The following CEP104 variants were observed in gnomAD, a reference collection of about 807,000 sequenced individuals.
CEP104 encodes centrosomal protein of 104 kDa.
Under a neutral mutation model 113.3 loss-of-function variants are expected in CEP104, and 84 were observed. The ratio of observed to expected loss-of-function variants is 0.74; its 90% CI spans 0.62 to 0.89. The LOEUF is 0.89. Among genes scored for constraint, CEP104 ranks in the 40% least tolerant of loss-of-function variants. The pLI is 0.00. For missense variants in CEP104, 1,053 were observed against 1,156.6 expected, an observed-to-expected ratio of 0.91 and a Z score of 1.30; for synonymous variants, 378 against 421.7, an observed-to-expected ratio of 0.90 and a Z score of 1.27.
At chr1:3,850,084 G>A (rs1351245289) in intron 2 of CEP104, among the ~76,000 whole-genome samples, 1 of 152,230 alleles carries the variant, frequency 6.6e-6, no homozygotes, top group Non-Finnish European at 1.5e-5. Context: ...GCCTAGGTGT[G>A]TAGCAGTAGG....
intron 15 of CEP104, among the ~76,000 whole-genome samples, chr1:3,827,094 G>A (rs1644106777): frequency 6.6e-6 from 1 of 152,224 alleles, no homozygotes; most frequent in East Asian, 1.9e-4. Flanking sequence ...GGAGGCTGCA[G>A]TGAGCTGAGA....
At chr1:3,842,323 G>A (rs996549879) in intron 6 of CEP104, among the ~76,000 whole-genome samples, 10 of 152,150 alleles carry the variant, frequency 6.6e-5, no homozygotes, top group African/African-American at 2.4e-4. Flanking sequence ...CTCGTGATCC[G>A]CCCGCCTCGG....
chr1:3,843,306 C>G, intron 6 of CEP104: 1 of 658,692 alleles, frequency 1.5e-6, no homozygotes. Context: ...AGTGGATTCA[C>G]CCCCGGTTCT....
intron 4 of CEP104, 148 bp from the exon 5 acceptor site, chr1:3,845,499 C>T (rs111581286): frequency 2.6e-5 from 15 of 583,800 alleles, no homozygotes; most frequent in Middle Eastern, 4.8e-4. Context: ...CTTGACCTCC[C>T]GGGCTCAAGG....
chr1:3,823,104 A>G lies in CEP104; in HGVS notation c.2571+70T>C. On this transcript the variant is annotated intron_variant, in intron 20 of 21. Transcript: ENST00000378230. This position sits in a 1 kb window ranked among gnomAD's most constrained non-coding sequence, Gnocchi z 4.1. ...GCTATGGTCCCGCACTGACACCACC[A>G]CTGTCACCACCACTGCCATCCACAG... 7.1e-7 allele frequency: 1 copy of G among 1,406,700 alleles called. No homozygotes were observed. Among genetic ancestry groups the G allele is most frequent in the Non-Finnish European group, 1.0e-6 (1 of 994,358 alleles). 87.1% of individuals were successfully genotyped at this position (1,406,700 alleles called of 1,614,324 possible).
chr1:3,839,471 T>C (rs747755777), intron 7 of CEP104, 137 bp downstream of exon 7: 3 of 814,010 alleles, frequency 3.7e-6, no homozygotes, highest in Non-Finnish European at 5.9e-6. Context: ...TCCGTAACTT[T>C]ATTTTGCTGA....
chr1:3,830,500 G>A (rs1644182505), intron 13 of CEP104, among the ~76,000 whole-genome samples: 1 of 152,254 alleles, frequency 6.6e-6, no homozygotes, highest in Admixed American at 6.5e-5. Context: ...CAGGCCGGGC[G>A]CAGTGGCTCA....
chr1:3,839,809 T>G, intron 6 of CEP104, 33 bp from the exon 7 acceptor site: 1 of 1,579,218 alleles, frequency 6.3e-7, no homozygotes, highest in Non-Finnish European at 8.6e-7. Flanking sequence ...TTAGAGATAA[T>G]TTCACGCCCT....
Position 3,839,104 on chromosome 1 carries a change from C to T in CEP104, c.751G>A (p.Gly251Arg), listed in dbSNP as rs775248895. Residue 251 changes from glycine to arginine, a missense_variant, in exon 8 of 22, where the codon GGG (glycine) becomes AGG (arginine). Coordinates refer to ENST00000378230, the MANE Select transcript of CEP104 (RefSeq NM_014704.4). ...ADLQKVGERL[G>R]RYEVEKRCAV... ...CAGCGTTTCTCTACCTCATACCTCC[C>T]AAGGCGTTCACCAACCTGAAGCACA... 3.1e-6 allele frequency: 5 copies of T among 1,613,914 alleles called. No homozygotes were observed. Among genetic ancestry groups the T allele is most frequent in the East Asian group, 2.2e-5 (1 of 44,888 alleles).
intron 15 of CEP104, among the ~76,000 whole-genome samples, chr1:3,829,002 C>A (rs1466864820): frequency 6.6e-6 from 1 of 152,162 alleles, no homozygotes; most frequent in African/African-American, 2.4e-5. Flanking sequence ...GGGCCCACAG[C>A]CCCTGGTCCC....
chr1:3,830,114 G>T, intron 13 of CEP104, 117 bp from the exon 14 acceptor site: 1 of 733,136 alleles, frequency 1.4e-6, no homozygotes, highest in Non-Finnish European at 2.3e-6. Flanking sequence ...TCCGTATTAA[G>T]TATTATGAAA....
At chr1:3,853,000 T>C (rs11576718) in intron 1 of CEP104, among the ~76,000 whole-genome samples, 138,061 of 152,310 alleles carry the variant, frequency 0.91, 63,197 homozygotes, top group Middle Eastern at 0.97. Flanking sequence ...TGCAGCCCTG[T>C]CCATGCAGCC....
Position 3,854,812 on chromosome 1 carries a change from TC to T in CEP104, c.-15+2076del, listed in dbSNP as rs1389049028. 2.0e-5 allele frequency among the ~76,000 whole-genome samples: 3 copies of T among 149,918 alleles called. No individual in the cohort carries two copies. In the Admixed American group the frequency reaches 2.0e-4, roughly 10 times the overall value. The stretch of plus-strand genomic sequence containing the variant: ...CATCTTTCAGGGCAGGGCTTGTCAC[TC>T]CCTATTCCACCTTGAAAATACCTCT... On this transcript the variant is annotated intron_variant, in intron 1 of 21. Coordinates refer to ENST00000378230, the MANE Select transcript of CEP104 (RefSeq NM_014704.4).
Position 3,852,440 on chromosome 1 carries a change from A to G in CEP104, c.-14-19T>C. The G allele has an allele frequency of 6.3e-7, 1 of 1,594,610 alleles. No homozygotes were observed. Among genetic ancestry groups the G allele is most frequent in the Non-Finnish European group, 8.6e-7 (1 of 1,168,946 alleles). ...GTTTGGGCTGTTTATAAGAGCAGGA[A>G]AAACTTCTTTAAAACAAAGGAATTC... On this transcript the variant is annotated intron_variant, in intron 1 of 21. Transcript: ENST00000378230.
intron 9 of CEP104, 28 bp from the exon 10 acceptor site, chr1:3,836,720 T>C (rs767762535): frequency 4.4e-6 from 7 of 1,607,602 alleles, no homozygotes; most frequent in Admixed American, 1.7e-5. Context: ...GAGAGGAAAG[T>C]GCTGGGGAGC....
At chr1:3,856,198 C>T (rs1644724241) in intron 1 of CEP104, among the ~76,000 whole-genome samples, 2 of 152,190 alleles carry the variant, frequency 1.3e-5, no homozygotes, top group South Asian at 4.1e-4. Context: ...TACTTGAGGT[C>T]AGGAGTTCGA....
intron 20 of CEP104, among the ~76,000 whole-genome samples, chr1:3,821,826 C>CA (rs1197869486): frequency 1.2e-4 from 19 of 152,246 alleles, no homozygotes; most frequent in Admixed American, 1.1e-3. Flanking sequence ...CTCCTTCCTT[C>CA]ACCAAGTGAA....
chr1:3,843,648 A>G (rs1042369921), intron 6 of CEP104, among the ~76,000 whole-genome samples: 7 of 151,582 alleles, frequency 4.6e-5, no homozygotes, highest in Non-Finnish European at 1.0e-4. Flanking sequence ...CACCACACCC[A>G]GCCTACAATT....
At position 3,813,100 on chromosome 1, in the gene CEP104, T is replaced by A. The variant is rs1643821830; in HGVS notation, c.*2302A>T. ...CCTTGGTTAACTTTTCTCATTCTTG[T>A]TCTGTTTAAAGAAGTGTTTTGTCTG... is the stretch of plus-strand genomic sequence containing the variant. On this transcript the variant is annotated 3_prime_UTR_variant, in exon 22 of 22. Transcript: ENST00000378230. The A allele has an allele frequency of 6.6e-6, 1 of 152,168 alleles. No homozygotes were observed. The highest frequency in any genetic ancestry group is 2.4e-5 in the African/African-American group (1 of 41,448). 9.4% of individuals were successfully genotyped at this position (152,168 alleles called of 1,614,324 possible).
Sources: gnomAD v4.1 joint callset for allele counts (sites outside exome capture counted in the v4.1 genomes callset) on GRCh38, gnomAD v4.1.1 for gene constraint, Gnocchi (gnomAD v3.1) non-coding constraint, MANE v1.5 for transcripts, NCBI Gene and HGNC (gene_info 2026-07-23, HGNC 2026-07-21) for gene names.